SEPHS1: variants seen among roughly 807,000 people sequenced by gnomAD.
The protein encoded by SEPHS1 is selenophosphate synthetase 1, also known as zincore component SEPHS1.
In SEPHS1, 7 loss-of-function variants were observed where a neutral mutation model predicts 39.2. That is an observed-to-expected ratio of 0.18 (90% CI 0.10 to 0.34). The LOEUF (loss-of-function observed/expected upper bound fraction) is 0.34. Among genes scored for constraint, SEPHS1 ranks in the 10% least tolerant of loss-of-function variants. The pLI, the probability that SEPHS1 is intolerant of heterozygous loss-of-function variation, is 1.00. For missense variants in SEPHS1, 253 were observed against 514.5 expected (o/e 0.49, Z 4.92); for synonymous variants, 190 against 195.5 (o/e 0.97, Z 0.23).
intron 2 of SEPHS1, among the ~76,000 whole-genome samples, chr10:13,339,683 C>T (rs1833733759): frequency 6.6e-6 from 1 of 152,090 alleles, no homozygotes; most frequent in African/African-American, 2.4e-5. Flanking sequence ...TGCTCAAATC[C>T]CTGATTTGAA....
intron 1 of SEPHS1, chr10:13,347,351 G>A (rs1458778688): frequency 1.3e-5 from 2 of 151,892 alleles, no homozygotes; most frequent in African/African-American, 2.4e-5. Context: ...AGGGGAGCAA[G>A]GAACCCGGGG....
In SEPHS1 at chr10:13,344,935, A is replaced by G; in HGVS notation, c.16T>C (p.Ser6Pro). 3 of 1,575,164 alleles carry G rather than the reference A, an allele frequency of 1.9e-6. No homozygotes were observed. Among genetic ancestry groups the G allele is most frequent in the Non-Finnish European group, 1.7e-6 (2 of 1,158,684 alleles). MSTRE[S>P]FNPESYELDK... ...AATTCGTAACTTTCCGGGTTAAAGG[A>G]CTCCCGCGTAGACATGGTTCTTGGG... The change falls in exon 2 of 9, where the codon TCC becomes CCC. Residue 6 changes from serine (S) to proline (P), a missense_variant. Physicochemically the swap from Ser to Pro is moderately conservative, Grantham distance 74. Around this residue, in one of 4 missense-constraint regions of SEPHS1, gnomAD observed 123 missense variants for 196.8 expected, o/e 0.62. Coordinates refer to ENST00000327347, the MANE Select transcript of SEPHS1 (RefSeq NM_012247.5).
At chr10:13,332,775 G>C (rs148344244) in intron 5 of SEPHS1, among the ~76,000 whole-genome samples, 2 of 151,458 alleles carry the variant, frequency 1.3e-5, no homozygotes, top group Non-Finnish European at 2.9e-5. Flanking sequence ...CCCGGGAGAT[G>C]GAGCTTGCAG....
At chr10:13,337,105 C>T (rs559226321) in intron 3 of SEPHS1, among the ~76,000 whole-genome samples, 5 of 151,788 alleles carry the variant, frequency 3.3e-5, no homozygotes, top group Admixed American at 6.6e-5. Context: ...AAGCTGAGAT[C>T]GTGCCACTGC....
At chr10:13,335,992 A>G (rs74795203) in intron 4 of SEPHS1, among the ~76,000 whole-genome samples, 14,224 of 151,328 alleles carry the variant, frequency 0.094, 907 homozygotes, top group African/African-American at 0.17. Context: ...AAAAAAAAAA[A>G]AAAAAAAGTC....
chr10:13,334,093 T>A (rs1262086959), intron 4 of SEPHS1, 122 bp from the exon 5 acceptor site: 1 of 870,670 alleles, frequency 1.1e-6, no homozygotes, highest in African/African-American at 1.7e-5. Context: ...CCTCAAAGTT[T>A]ACAGACAGGG....
intron 2 of SEPHS1, among the ~76,000 whole-genome samples, chr10:13,339,671 G>T (rs1833733519): frequency 6.6e-6 from 1 of 152,078 alleles, no homozygotes; most frequent in Non-Finnish European, 1.5e-5. Flanking sequence ...AACATCCACA[G>T]ATGCTCAAAT....
rs778693688 is a variant in SEPHS1, at chr10:13,338,685, A to C, written c.297+20T>G. 6.9e-6 allele frequency: 11 copies of C among 1,590,596 alleles called. No individual in the cohort carries two copies. Among genetic ancestry groups the C allele is most frequent in the Non-Finnish European group, 6.0e-6 (7 of 1,158,660 alleles). The stretch of plus-strand genomic sequence containing the variant: ...CAAATAAGCCCTTCCAGTCACAAAA[A>C]CACATCGGCTCACGCTTACCATCAT... On this transcript the variant is annotated intron_variant, in intron 3 of 8. Coordinates refer to ENST00000327347, the MANE Select transcript of SEPHS1 (RefSeq NM_012247.5).
At chr10:13,326,244 G>C (rs747574145) in intron 7 of SEPHS1, among the ~76,000 whole-genome samples, 1 of 152,022 alleles carries the variant, frequency 6.6e-6, no homozygotes, top group Non-Finnish European at 1.5e-5. Flanking sequence ...GGGAGGCCGA[G>C]ACAGGCGGAT....
chr10:13,329,637 A>G, intron 6 of SEPHS1, 61 bp downstream of exon 6: 1 of 1,334,868 alleles, frequency 7.5e-7, no homozygotes. Flanking sequence ...AAATCCTCCA[A>G]CAAAAATTAC....
intron 5 of SEPHS1, 22 bp downstream of exon 5, chr10:13,333,795 T>C (rs777534440): frequency 4.3e-6 from 7 of 1,611,494 alleles, no homozygotes; most frequent in Non-Finnish European, 3.4e-6. Context: ...GGTCAGGTGA[T>C]ATGAAACAAA....
At chr10:13,346,719 A>C (rs533119123) in intron 1 of SEPHS1, among the ~76,000 whole-genome samples, 34 of 149,698 alleles carry the variant, frequency 2.3e-4, no homozygotes, top group African/African-American at 8.3e-4. Flanking sequence ...CCCTACCAGG[A>C]AAAAAAAAAG....
intron 8 of SEPHS1, among the ~76,000 whole-genome samples, chr10:13,320,362 T>C (rs1833070932): frequency 6.6e-6 from 1 of 151,806 alleles, no homozygotes. Flanking sequence ...TTTGTATTTT[T>C]AGTAGAGACA....
chr10:13,323,065 C>T lies in SEPHS1; in HGVS notation c.752-18G>A, dbSNP rs761058942. ...TCCTGCAGCTGGGAGAGAGAGGGGG[C>T]GGCTCTGAGAAAAAACACCTTTCCT... On this transcript the variant is annotated intron_variant, in intron 7 of 8. Coordinates refer to ENST00000327347, the MANE Select transcript of SEPHS1 (RefSeq NM_012247.5). 29 of 1,609,174 alleles carry T rather than the reference C, an allele frequency of 1.8e-5. No individual in the cohort carries two copies. The highest frequency in any genetic ancestry group is 1.3e-4 in the South Asian group (12 of 90,770).
chr10:13,336,123 G>C, intron 4 of SEPHS1, 120 bp downstream of exon 4: 2 of 625,960 alleles, frequency 3.2e-6, no homozygotes, highest in Non-Finnish European at 5.7e-6. Context: ...GCCAGAAGGA[G>C]TGCAGGGAGC....
At chr10:13,320,610 C>T (rs529535005) in intron 8 of SEPHS1, among the ~76,000 whole-genome samples, 63 of 151,736 alleles carry the variant, frequency 4.2e-4, no homozygotes, top group African/African-American at 1.3e-3. Context: ...GAGGCCGAGG[C>T]GGGTGGATCA....
intron 7 of SEPHS1, 60 bp downstream of exon 7, chr10:13,328,291 G>A: frequency 1.7e-6 from 2 of 1,192,154 alleles, no homozygotes; most frequent in East Asian, 2.3e-5. Flanking sequence ...GGCCAGAAAA[G>A]CCTAAGACAT....
chr10:13,326,613 T>A (rs1833302882), intron 7 of SEPHS1, among the ~76,000 whole-genome samples: 1 of 151,498 alleles, frequency 6.6e-6, no homozygotes, highest in Non-Finnish European at 1.5e-5. Context: ...AGGGGTATGA[T>A]CACCACTCAC....
At chr10:13,326,021 A>C (rs1833277489) in intron 7 of SEPHS1, among the ~76,000 whole-genome samples, 1 of 151,618 alleles carries the variant, frequency 6.6e-6, no homozygotes, top group South Asian at 2.1e-4. Context: ...TATTTATAGC[A>C]GTGTGAAAAC....
Sources: allele counts gnomAD v4.1 joint callset (sites outside exome capture counted in the v4.1 genomes callset), GRCh38; gene constraint gnomAD v4.1.1; regional missense constraint gnomAD v4.1.1; transcripts MANE v1.5; gene names NCBI Gene and HGNC (gene_info 2026-07-23, HGNC 2026-07-21).